Variants in BLTP3B observed in about 807,000 individuals in gnomAD.
BLTP3B encodes bridge-like lipid transfer protein family member 3B, also known as UHRF1 (ICBP90) binding protein 1-like.
At chr12:100,103,504 C>T in the BLTP3B span, among the ~76,000 whole-genome samples, 7 of 151,462 alleles carry the variant, frequency 4.6e-5, no homozygotes, top group East Asian at 1.9e-4. Flanking sequence ...TTTAAATGAA[C>T]GAACAAATGA....
At chr12:100,069,622 T>C in the BLTP3B span, among the ~76,000 whole-genome samples, 2 of 152,024 alleles carry the variant, frequency 1.3e-5, no homozygotes, top group Non-Finnish European at 2.9e-5. Context: ...AAACTAAACA[T>C]CGTATGTTCT....
chr12:100,095,151 CAACT>C, the BLTP3B span, among the ~76,000 whole-genome samples: 82 of 152,202 alleles, frequency 5.4e-4, no homozygotes, highest in Admixed American at 1.9e-3. Flanking sequence ...CTCTCCATAC[CAACT>C]AATAATGCTC....
the BLTP3B span, among the ~76,000 whole-genome samples, chr12:100,073,047 T>C: frequency 6.6e-6 from 1 of 152,204 alleles, no homozygotes; most frequent in Non-Finnish European, 1.5e-5. Flanking sequence ...ATCAACACTG[T>C]ACAATATTCC....
chr12:100,128,392 A>G, the BLTP3B span, among the ~76,000 whole-genome samples: 1 of 152,282 alleles, frequency 6.6e-6, no homozygotes, highest in Admixed American at 6.5e-5. Context: ...CTCAGTCTCA[A>G]AAAAAAGAAA....
chr12:100,119,117 TA>T, the BLTP3B span, among the ~76,000 whole-genome samples: 1 of 151,798 alleles, frequency 6.6e-6, no homozygotes, highest in South Asian at 2.1e-4. Context: ...TGAAATAAAA[TA>T]AAAAAATAAA....
chr12:100,089,154 A>C, the BLTP3B span: 1 of 1,361,296 alleles, frequency 7.3e-7, no homozygotes, highest in Non-Finnish European at 9.7e-7. Context: ...ATTTCACACA[A>C]AAATCTAAGT....
chr12:100,140,077 T>G, the BLTP3B span, among the ~76,000 whole-genome samples: 2 of 152,210 alleles, frequency 1.3e-5, no homozygotes, highest in East Asian at 1.9e-4. Flanking sequence ...TTACTGGATA[T>G]TCTATAAAAT....
At chr12:100,124,372 G>A in the BLTP3B span, among the ~76,000 whole-genome samples, 52 of 151,786 alleles carry the variant, frequency 3.4e-4, no homozygotes, top group African/African-American at 1.3e-3. Flanking sequence ...GGAGGCTGAG[G>A]CAAGGAGGAC....
the BLTP3B span, among the ~76,000 whole-genome samples, chr12:100,129,159 A>T: frequency 1.3e-5 from 2 of 152,110 alleles, no homozygotes; most frequent in Non-Finnish European, 2.9e-5. Flanking sequence ...TGTAATTCTC[A>T]TTTCACCGAG....
At chr12:100,041,139 T>G in the BLTP3B span, among the ~76,000 whole-genome samples, 13 of 152,212 alleles carry the variant, frequency 8.5e-5, no homozygotes, top group Non-Finnish European at 8.8e-5. Flanking sequence ...ATCCCAGGAA[T>G]GCAAATGTAT....
the BLTP3B span, among the ~76,000 whole-genome samples, chr12:100,049,946 A>T: frequency 3.9e-5 from 6 of 152,144 alleles, no homozygotes; most frequent in Non-Finnish European, 7.4e-5. Context: ...CTTCATCAAA[A>T]TCACTCCTCT....
At chr12:100,089,033 A>G in the BLTP3B span, 1 of 1,611,260 alleles carries the variant, frequency 6.2e-7, no homozygotes, top group Non-Finnish European at 8.5e-7. Context: ...CATCATTTAC[A>G]TCAGGAGCAT....
the BLTP3B span, among the ~76,000 whole-genome samples, chr12:100,127,839 C>A: frequency 6.6e-6 from 1 of 151,906 alleles, no homozygotes; most frequent in African/African-American, 2.4e-5. Context: ...CATAGTGAGA[C>A]TTCATCTCTA....
the BLTP3B span, chr12:100,095,557 T>A: frequency 6.4e-5 from 77 of 1,204,714 alleles, 1 homozygote; most frequent in Non-Finnish European, 8.3e-5. Flanking sequence ...AAGATTCTTG[T>A]ACTCAAAACC....
At chr12:100,048,767 A>T in the BLTP3B span, among the ~76,000 whole-genome samples, 10 of 111,912 alleles carry the variant, frequency 8.9e-5, no homozygotes, top group African/African-American at 3.7e-4. Context: ...AGAGAGTGAG[A>T]GTGAGTGTGT....
the BLTP3B span, chr12:100,108,519 A>G: frequency 6.2e-7 from 1 of 1,611,290 alleles, no homozygotes; most frequent in Non-Finnish European, 8.5e-7. Flanking sequence ...ACTTAGATTT[A>G]TCTTGTCAGG....
chr12:100,102,884 AT>A, the BLTP3B span: 1 of 1,329,542 alleles, frequency 7.5e-7, no homozygotes, highest in Non-Finnish European at 1.0e-6. Flanking sequence ...AATATAAACA[AT>A]TAGATTATTT....
chr12:100,136,736 T>C, the BLTP3B span, among the ~76,000 whole-genome samples: 1 of 151,938 alleles, frequency 6.6e-6, no homozygotes, highest in Non-Finnish European at 1.5e-5. Flanking sequence ...TGATCTCCAA[T>C]TATATGCACC....
At chr12:100,083,153 C>T in the BLTP3B span, 1 of 1,568,164 alleles carries the variant, frequency 6.4e-7, no homozygotes, top group South Asian at 1.1e-5. Context: ...AACAAAAACT[C>T]CTTTCAATTC....
Sources: allele counts gnomAD v4.1 joint callset (sites outside exome capture counted in the v4.1 genomes callset), GRCh38; gene constraint gnomAD v4.1.1; transcripts MANE v1.5; gene names NCBI Gene and HGNC (gene_info 2026-07-23, HGNC 2026-07-21).